EXD1: variants seen among roughly 807,000 people sequenced by gnomAD.
The protein encoded by EXD1 is piRNA biogenesis protein EXD1.
Under a neutral mutation model 49.1 loss-of-function variants are expected in EXD1, and 63 were observed. The observed-to-expected ratio is 1.28, with a 90% confidence interval of 1.05 to 1.58. The LOEUF is 1.58. Among genes scored for constraint, EXD1 ranks in the 40% most tolerant of loss-of-function variants. The pLI is 0.00. For synonymous variants in EXD1, 234 were observed against 239.2 expected (o/e 0.98, Z 0.20); for missense variants, 748 against 666.0 (o/e 1.12, Z -1.36).
rs147018994 is a variant in EXD1 at position 41,228,511 on chromosome 15, C to A, written c.-53-1883G>T. On this transcript the variant is annotated intron_variant, in intron 1 of 11. Transcript: ENST00000458580. ...TAATGCAATCTGAACTAAGACCAGG[C>A]CTCTAGGGTAGGATGTTTGTAGTTT... Among the ~76,000 whole-genome samples, 4 of 152,224 alleles carry A rather than the reference C, an allele frequency of 2.6e-5. No homozygotes were observed. The East Asian group carries it at 7.7e-4, about 29-fold the overall frequency.
intron 2 of EXD1, 86 bp from the exon 3 acceptor site, chr15:41,219,984 T>C (rs1248592466): frequency 4.9e-6 from 5 of 1,016,466 alleles, no homozygotes; most frequent in Non-Finnish European, 7.0e-6. Flanking sequence ...ATTTCCCAAG[T>C]CTGAGTTGTA....
chr15:41,229,403 G>A (rs966100751), intron 1 of EXD1, among the ~76,000 whole-genome samples: 1 of 151,988 alleles, frequency 6.6e-6, no homozygotes, highest in African/African-American at 2.4e-5. Flanking sequence ...CCTTGAACCC[G>A]CCTGGAGGTT....
At chr15:41,204,826 A>G (rs982717481) in intron 7 of EXD1, among the ~76,000 whole-genome samples, 6 of 152,146 alleles carry the variant, frequency 3.9e-5, no homozygotes, top group African/African-American at 1.4e-4. Context: ...CTCTGTATGT[A>G]AAAAAGGGCC....
intron 6 of EXD1, among the ~76,000 whole-genome samples, chr15:41,213,016 G>C: frequency 6.6e-6 from 1 of 151,800 alleles, no homozygotes; most frequent in East Asian, 1.9e-4. Flanking sequence ...ACTCCAACCT[G>C]GGTGACAGAG....
chr15:41,190,283 G>A, intron 10 of EXD1, 155 bp from the exon 11 acceptor site: 1 of 717,132 alleles, frequency 1.4e-6, no homozygotes, highest in Non-Finnish European at 2.4e-6. Context: ...GACCATCCTG[G>A]CCAACAAGGT....
intron 7 of EXD1, among the ~76,000 whole-genome samples, chr15:41,206,143 A>G (rs2046818643): frequency 6.6e-6 from 1 of 152,134 alleles, no homozygotes; most frequent in South Asian, 2.1e-4. Context: ...AAACTGATAA[A>G]TCAAGAGAAA....
chr15:41,189,861 G>C, intron 11 of EXD1, 76 bp downstream of exon 11: 10 of 1,435,722 alleles, frequency 7.0e-6, no homozygotes, highest in Non-Finnish European at 9.6e-6. Flanking sequence ...TCGCAGCTAT[G>C]AAGAAAGGGT....
intron 7 of EXD1, among the ~76,000 whole-genome samples, chr15:41,205,095 C>A (rs1297357258): frequency 6.6e-6 from 1 of 152,194 alleles, no homozygotes; most frequent in African/African-American, 2.4e-5. Flanking sequence ...ATCTTTGAGT[C>A]TTCGTTCTGA....
intron 10 of EXD1, chr15:41,190,478 T>C (rs1299532135): frequency 7.5e-6 from 2 of 265,386 alleles, no homozygotes; most frequent in Admixed American, 9.5e-5. Flanking sequence ...AGACTCCGTC[T>C]CAAAAAAAGA....
intron 11 of EXD1, among the ~76,000 whole-genome samples, chr15:41,188,670 G>GTA (rs2046454413): frequency 6.6e-6 from 1 of 151,906 alleles, no homozygotes; most frequent in Non-Finnish European, 1.5e-5. Context: ...GGGATTACAG[G>GTA]TATGAGCCAC....
intron 7 of EXD1, among the ~76,000 whole-genome samples, chr15:41,204,549 T>C (rs1373752371): frequency 6.6e-6 from 1 of 151,502 alleles, no homozygotes; most frequent in Non-Finnish European, 1.5e-5. Context: ...AGATTCCATC[T>C]CAAAAACAAA....
intron 7 of EXD1, among the ~76,000 whole-genome samples, chr15:41,199,842 A>C (rs1332127508): frequency 2.1e-5 from 3 of 142,934 alleles, no homozygotes; most frequent in Non-Finnish European, 4.5e-5. Context: ...TATATGATAT[A>C]TATAATATGT....
intron 11 of EXD1, among the ~76,000 whole-genome samples, chr15:41,189,364 T>C (rs2054478234): frequency 6.7e-6 from 1 of 148,594 alleles, no homozygotes; most frequent in Non-Finnish European, 1.5e-5. Flanking sequence ...CGAGACTCCA[T>C]CTCAAAAAAT....
intron 11 of EXD1, 122 bp downstream of exon 11, chr15:41,189,815 A>G (rs8039014): frequency 0.2 from 187,727 of 917,820 alleles, 23,895 homozygotes; most frequent in African/African-American, 0.51. Context: ...TGCCCCTTCA[A>G]GAGTATTTAT....
At chr15:41,224,684 C>G (rs2047135363) in intron 2 of EXD1, among the ~76,000 whole-genome samples, 1 of 152,284 alleles carries the variant, frequency 6.6e-6, no homozygotes, top group Admixed American at 6.5e-5. Flanking sequence ...CCTGGCTGGG[C>G]ATGGTGGCTC....
chr15:41,208,778 T>A (rs1247610067), intron 7 of EXD1, among the ~76,000 whole-genome samples: 2 of 151,742 alleles, frequency 1.3e-5, no homozygotes, highest in Non-Finnish European at 2.9e-5. Context: ...GTAATAATAA[T>A]AGAGACTCTC....
At chr15:41,226,346 T>C in intron 2 of EXD1, 97 bp downstream of exon 2, 1 of 1,166,350 alleles carries the variant, frequency 8.6e-7, no homozygotes, top group Non-Finnish European at 1.2e-6. Flanking sequence ...TTACCTAAAA[T>C]AGGAATAATG....
chr15:41,195,824 CA>C lies in EXD1; in HGVS notation c.670del (p.Cys224AlafsTer10). On this transcript the variant is annotated frameshift_variant, in exon 9 of 12. Coordinates refer to ENST00000458580, the MANE Select transcript of EXD1 (RefSeq NM_001286441.2). LOFTEE classifies it high-confidence loss of function. ...VIHDCRWLSDCLSHQYGILLN... is the reference protein window; with the variant it reads ...VIHDCRWLSDXLSHQYGILLN... ...CAAAATTCCATACTGATGAGAGAGGCAATCAGAAAGCCAACGACAATCATGG... is the reference window on the plus strand; with the variant it reads ...CAAAATTCCATACTGATGAGAGAGGCATCAGAAAGCCAACGACAATCATGG... 6.2e-7 allele frequency: 1 copy of C among 1,613,528 alleles called. No individual in the cohort carries two copies. Among genetic ancestry groups the C allele is most frequent in the East Asian group, 2.2e-5 (1 of 44,848 alleles).
At chr15:41,227,339 G>C (rs2047177976) in intron 1 of EXD1, among the ~76,000 whole-genome samples, 1 of 151,862 alleles carries the variant, frequency 6.6e-6, no homozygotes, top group Admixed American at 6.6e-5. Context: ...TTTATTTTCT[G>C]TCCTATGACA....
Sources: allele counts gnomAD v4.1 joint callset (sites outside exome capture counted in the v4.1 genomes callset), GRCh38; gene constraint gnomAD v4.1.1; transcripts MANE v1.5; gene names NCBI Gene and HGNC (gene_info 2026-07-23, HGNC 2026-07-21).